Variants in NME7 observed in about 807,000 individuals in gnomAD.
NME7 encodes the protein NME/NM23 family member 7.
A neutral mutation model predicts 49.1 loss-of-function variants in NME7; 41 were observed. The ratio of observed to expected loss-of-function variants is 0.83; its 90% CI spans 0.65 to 1.08. The LOEUF (loss-of-function observed/expected upper bound fraction) is 1.08. NME7 is among the 50% of genes least tolerant of loss of function. NME7 has a pLI of 0.00. For missense variants in NME7, 423 were observed against 463.4 expected (o/e 0.91, Z 0.80); for synonymous variants, 139 against 150.6 (o/e 0.92, Z 0.56).
intron 10 of NME7, among the ~76,000 whole-genome samples, chr1:169,219,733 C>G (rs924373629): frequency 1.3e-5 from 2 of 152,126 alleles, no homozygotes; most frequent in African/African-American, 4.8e-5. Flanking sequence ...TTGTCTGATT[C>G]TCCCAGTATA....
chr1:169,167,505 T>A (rs1243812500), intron 11 of NME7, among the ~76,000 whole-genome samples: 1 of 152,148 alleles, frequency 6.6e-6, no homozygotes, highest in Non-Finnish European at 1.5e-5. Flanking sequence ...ACAAAAATTT[T>A]AAAATCTATA....
rs36096137 is a variant in NME7, at chr1:169,251,547, CT to C, written c.755-13861del. On this transcript the variant is annotated intron_variant, in intron 7 of 11. Transcript: ENST00000367811. ...ACTTGTTACCTAGATACTCTGGTTTCTTTTTTTTTTTTTCTTTTTTTTTTTA... is the reference window on the plus strand; with the variant it reads ...ACTTGTTACCTAGATACTCTGGTTTCTTTTTTTTTTTTCTTTTTTTTTTTA... Among the ~76,000 whole-genome samples the C allele has an allele frequency of 2.2e-3, 277 of 123,984 alleles. 2 individuals are homozygous for C. Among genetic ancestry groups the C allele is most frequent in the African/African-American group, 7.3e-3 (234 of 32,210 alleles). 81.3% of individuals were successfully genotyped at this position (123,984 alleles called of 152,430 possible). A position where few individuals can be genotyped will look rare whatever the true frequency, so the allele number is the denominator to read the frequency against.
chr1:169,233,737 T>C lies in NME7; in HGVS notation c.888+1394A>G, dbSNP rs144193062. ...AAGGTCATATGTAATTGATTTTTTA[T>C]GGATAATTATATTGAGTCTGATTTT... On this transcript the variant is annotated intron_variant, in intron 9 of 11. Coordinates refer to ENST00000367811, the MANE Select transcript of NME7 (RefSeq NM_013330.5). Among the ~76,000 whole-genome samples the C allele has an allele frequency of 7.1e-3, 1,087 of 152,254 alleles. 17 individuals are homozygous for C. Among genetic ancestry groups the C allele is most frequent in the Middle Eastern group, 0.048 (14 of 294 alleles).
At chr1:169,243,564 T>C (rs1648179884) in intron 7 of NME7, among the ~76,000 whole-genome samples, 1 of 152,300 alleles carries the variant, frequency 6.6e-6, no homozygotes, top group Non-Finnish European at 1.5e-5. Flanking sequence ...GGTGATTAGA[T>C]AGCAAGAACA....
intron 11 of NME7, among the ~76,000 whole-genome samples, chr1:169,145,361 G>A (rs1658717785): frequency 6.6e-6 from 1 of 152,168 alleles, no homozygotes; most frequent in African/African-American, 2.4e-5. Context: ...CTTTCACAGT[G>A]TGATTGGGTA....
At chr1:169,161,652 G>A (rs1224123680) in intron 11 of NME7, among the ~76,000 whole-genome samples, 2 of 152,196 alleles carry the variant, frequency 1.3e-5, no homozygotes, top group Admixed American at 1.3e-4. Flanking sequence ...TCACAGACTG[G>A]CTGTCTTCAC....
Position 169,256,602 on chromosome 1 carries a change from G to A in NME7, c.755-18915C>T, listed in dbSNP as rs1355930607. On this transcript the variant is annotated intron_variant, in intron 7 of 11. Coordinates refer to ENST00000367811, the MANE Select transcript of NME7 (RefSeq NM_013330.5). ...CTCCATCCAGCTTTGTTCCGTTGCC[G>A]GTGAGGAACTGCGTTCCTTTGGAGG... Among the ~76,000 whole-genome samples, 7 of 129,552 alleles carry A rather than the reference G, an allele frequency of 5.4e-5. 2 individuals are homozygous for A. The highest frequency in any genetic ancestry group is 1.1e-4 in the Non-Finnish European group (6 of 56,172). 85.0% of individuals were successfully genotyped at this position (129,552 alleles called of 152,430 possible).
At chr1:169,287,467 T>C in intron 6 of NME7, 59 bp from the exon 7 acceptor site, 1 of 1,202,838 alleles carries the variant, frequency 8.3e-7, no homozygotes, top group East Asian at 2.6e-5. Context: ...ACTTACAAGA[T>C]ATTTCTGTGG....
At chr1:169,143,617 A>G (rs1571239984) in intron 11 of NME7, among the ~76,000 whole-genome samples, 1 of 152,276 alleles carries the variant, frequency 6.6e-6, no homozygotes, top group East Asian at 1.9e-4. Flanking sequence ...GTGTGTCTGA[A>G]TAGGAGCTCT....
At position 169,262,265 on chromosome 1, in the gene NME7, G is replaced by C. The variant is rs1361151468; in HGVS notation, c.755-24578C>G. ...ATGAGATTCAGTCTTGTACACTCCA[G>C]CTCCAGTACAGCTCCCAGATGAATG... is the stretch of plus-strand genomic sequence containing the variant. On this transcript the variant is annotated intron_variant, in intron 7 of 11. Coordinates refer to ENST00000367811, the MANE Select transcript of NME7 (RefSeq NM_013330.5). 1.5e-5 allele frequency among the ~76,000 whole-genome samples: 2 copies of C among 134,030 alleles called. 1 individual carries two copies. The highest frequency in any genetic ancestry group is 3.5e-5 in the Non-Finnish European group (2 of 57,010). 87.9% of individuals were successfully genotyped at this position (134,030 alleles called of 152,430 possible).
rs1649497488 is a variant in NME7 at position 169,271,682 on chromosome 1, G to C, written c.754+15621C>G. Among the ~76,000 whole-genome samples, 2 of 133,230 alleles carry C rather than the reference G, an allele frequency of 1.5e-5. 1 individual carries two copies. The highest frequency in any genetic ancestry group is 1.5e-4 in the Admixed American group (2 of 13,384). 87.4% of individuals were successfully genotyped at this position (133,230 alleles called of 152,430 possible). A position where few individuals can be genotyped will look rare whatever the true frequency, so the allele number is the denominator to read the frequency against. Reference sequence around the variant, plus strand: ...GGATATTCTGGCCTTTTTTTGGGAAGTCAGCAGTCAACAGAAGGGATAATC... The same window carrying C: ...GGATATTCTGGCCTTTTTTTGGGAACTCAGCAGTCAACAGAAGGGATAATC... On this transcript the variant is annotated intron_variant, in intron 7 of 11. Transcript: ENST00000367811.
rs1265370607 is a variant in NME7, at chr1:169,360,070, A to T, written c.3+7638T>A. 2.0e-5 allele frequency among the ~76,000 whole-genome samples: 3 copies of T among 152,354 alleles called. No individual in the cohort carries two copies. In the East Asian group the frequency reaches 5.8e-4, roughly 29 times the overall value. On this transcript the variant is annotated intron_variant, in intron 1 of 11. Transcript: ENST00000367811. Reference sequence around the variant, plus strand: ...ATACTTCTGGAAAGTAAGATACTTCAATCATATGCTATAGCAGCATCAAGA... The same window carrying T: ...ATACTTCTGGAAAGTAAGATACTTCTATCATATGCTATAGCAGCATCAAGA...
At chr1:169,190,661 T>C in intron 10 of NME7, 1 of 445,868 alleles carries the variant, frequency 2.2e-6, no homozygotes, top group Non-Finnish European at 4.5e-6. Flanking sequence ...GATGTCTTCT[T>C]TAGTTTGCCT....
intron 7 of NME7, among the ~76,000 whole-genome samples, chr1:169,255,973 C>T (rs1571331905): frequency 7.5e-6 from 1 of 132,972 alleles, no homozygotes; most frequent in Admixed American, 7.4e-5. Context: ...GTAACCCGAC[C>T]TTTCTCTCTG....
intron 10 of NME7, among the ~76,000 whole-genome samples, chr1:169,173,965 G>T (rs1339045104): frequency 6.6e-6 from 1 of 152,174 alleles, no homozygotes; most frequent in Non-Finnish European, 1.5e-5. Context: ...ATACTTATTT[G>T]TACTTGGAGG....
rs965948379 is a variant in NME7, at chr1:169,298,820, C to G, written c.441-57G>C. The G allele has an allele frequency of 3.3e-5, 45 of 1,346,218 alleles. 1 individual carries two copies. Among genetic ancestry groups the G allele is most frequent in the Middle Eastern group, 2.0e-4 (1 of 4,996 alleles). 83.4% of individuals were successfully genotyped at this position (1,346,218 alleles called of 1,614,324 possible). ...TTTTTTCTGTCAACTAGGTATTTGT[C>G]TTAACGACAGGATATATTTAAATTG... On this transcript the variant is annotated intron_variant, in intron 5 of 11. Coordinates refer to ENST00000367811, the MANE Select transcript of NME7 (RefSeq NM_013330.5).
At chr1:169,326,583 G>A (rs1208675060) in intron 1 of NME7, among the ~76,000 whole-genome samples, 2 of 152,192 alleles carry the variant, frequency 1.3e-5, no homozygotes, top group African/African-American at 4.8e-5. Context: ...GCTGAAACCT[G>A]TGCTTGTTCA....
intron 10 of NME7, among the ~76,000 whole-genome samples, chr1:169,179,102 T>G (rs1659853031): frequency 1.3e-5 from 2 of 152,192 alleles, no homozygotes. Flanking sequence ...ATTACAGGCA[T>G]GAGCCACCGC....
chr1:169,333,282 G>C (rs967004631), intron 1 of NME7, among the ~76,000 whole-genome samples: 2 of 152,136 alleles, frequency 1.3e-5, no homozygotes, highest in African/African-American at 2.4e-5. Flanking sequence ...TGGACATGGA[G>C]AGTAGAAAGA....
Sources: allele counts gnomAD v4.1 joint callset (sites outside exome capture counted in the v4.1 genomes callset), GRCh38; gene constraint gnomAD v4.1.1; transcripts MANE v1.5; gene names NCBI Gene and HGNC (gene_info 2026-07-23, HGNC 2026-07-21).